Variants in LNP1 observed in about 807,000 individuals in gnomAD.
The protein encoded by LNP1 is leukemia NUP98 fusion partner 1.
A neutral mutation model predicts 14.5 loss-of-function variants in LNP1; 12 were observed. The ratio of observed to expected loss-of-function variants is 0.83; its 90% CI spans 0.53 to 1.34. The LOEUF is 1.34. Among genes scored for constraint, LNP1 ranks in the 40% most tolerant of loss-of-function variants. The pLI, the probability that LNP1 is intolerant of heterozygous loss-of-function variation, is 0.00. For synonymous variants in LNP1, 75 were observed against 71.4 expected (o/e 1.05, Z -0.26); for missense variants, 198 against 210.9 (o/e 0.94, Z 0.38).
chr3:100,406,262 G>A (rs943041381), intron 1 of LNP1, among the ~76,000 whole-genome samples: 1 of 152,052 alleles, frequency 6.6e-6, no homozygotes, highest in African/African-American at 2.4e-5. Context: ...CTCCAGCCTG[G>A]GTGACAGAGT....
At chr3:100,446,647 A>T (rs1707391141) in intron 2 of LNP1, among the ~76,000 whole-genome samples, 1 of 152,210 alleles carries the variant, frequency 6.6e-6, no homozygotes, top group Admixed American at 6.5e-5. Context: ...AGAAACTACC[A>T]TCAGAGTGAA....
intron 2 of LNP1, 43 bp downstream of exon 2, chr3:100,429,928 G>A: frequency 6.3e-7 from 1 of 1,575,154 alleles, no homozygotes; most frequent in Non-Finnish European, 8.6e-7. Context: ...CTGGAATAGG[G>A]GAGGGGGTTT....
chr3:100,409,341 T>C (rs1260957615), intron 1 of LNP1, among the ~76,000 whole-genome samples: 6 of 151,928 alleles, frequency 3.9e-5, no homozygotes, highest in Non-Finnish European at 7.4e-5. Context: ...TTAGCCTCCA[T>C]AATTTTGTAA....
chr3:100,440,643 A>T (rs1707335989), intron 2 of LNP1, among the ~76,000 whole-genome samples: 1 of 152,246 alleles, frequency 6.6e-6, no homozygotes, highest in African/African-American at 2.4e-5. Context: ...CCTTTCTTCT[A>T]TTCTTTATAC....
At chr3:100,432,872 T>C (rs1430492149) in intron 2 of LNP1, among the ~76,000 whole-genome samples, 3 of 152,136 alleles carry the variant, frequency 2.0e-5, no homozygotes, top group African/African-American at 4.8e-5. Context: ...GGGAAGACTG[T>C]GCTAAATGAA....
rs565769310 is a variant in LNP1 at position 100,418,059 on chromosome 3, A to ACTTTTTTTTTTTTTTTTTTTTTTTTTTTT, written c.-33-11638_-33-11637insCTTTTTTTTTTTTTTTTTTTTTTTTTTTT. Among the ~76,000 whole-genome samples the ACTTTTTTTTTTTTTTTTTTTTTTTTTTTT allele has an allele frequency of 1.7e-5, 2 of 115,622 alleles. 1 individual carries two copies. The highest frequency in any genetic ancestry group is 6.5e-5 in the African/African-American group (2 of 30,766). 75.9% of individuals were successfully genotyped at this position (115,622 alleles called of 152,430 possible). ...GTTTTGTTCTTTCATTTCTCATACC[A>ACTTTTTTTTTTTTTTTTTTTTTTTTTTTT]TTTTTTTTTTTTTTTTTTGAGATGG... On this transcript the variant is annotated intron_variant, in intron 1 of 3. Transcript: ENST00000383693.
chr3:100,426,405 C>A (rs934138306), intron 1 of LNP1, among the ~76,000 whole-genome samples: 1 of 152,188 alleles, frequency 6.6e-6, no homozygotes, highest in Non-Finnish European at 1.5e-5. Context: ...TAGCTAGCAA[C>A]TTTTCCTCTA....
At chr3:100,423,182 A>G (rs569695490) in intron 1 of LNP1, among the ~76,000 whole-genome samples, 1 of 152,226 alleles carries the variant, frequency 6.6e-6, no homozygotes, top group Non-Finnish European at 1.5e-5. Context: ...AGAAAAAAAG[A>G]TGTAGCAGTT....
intron 2 of LNP1, among the ~76,000 whole-genome samples, chr3:100,431,586 A>G (rs1368792797): frequency 3.3e-5 from 5 of 152,220 alleles, no homozygotes; most frequent in Non-Finnish European, 5.9e-5. Context: ...CAATGGGCAG[A>G]GTACTGGAAA....
chr3:100,420,550 C>T (rs1356824340), intron 1 of LNP1, among the ~76,000 whole-genome samples: 2 of 152,172 alleles, frequency 1.3e-5, no homozygotes, highest in African/African-American at 4.8e-5. Context: ...CTCCTGGGCT[C>T]AAGTGATCCT....
chr3:100,426,542 T>C (rs964046075), intron 1 of LNP1, among the ~76,000 whole-genome samples: 7 of 152,206 alleles, frequency 4.6e-5, no homozygotes, highest in South Asian at 2.1e-4. Context: ...CTCCAAAATA[T>C]GCACGTTAGG....
chr3:100,427,022 G>A (rs776150514), intron 1 of LNP1, among the ~76,000 whole-genome samples: 25 of 152,046 alleles, frequency 1.6e-4, no homozygotes, highest in East Asian at 5.8e-4. Flanking sequence ...TAAATTCAGC[G>A]TATATGATTC....
chr3:100,454,089 T>C (rs1373335679), intron 3 of LNP1, among the ~76,000 whole-genome samples: 1 of 152,180 alleles, frequency 6.6e-6, no homozygotes, highest in African/African-American at 2.4e-5. Context: ...ATATTATCTC[T>C]AAAATACAAA....
chr3:100,410,478 G>T (rs1045704316), intron 1 of LNP1, among the ~76,000 whole-genome samples: 9 of 152,286 alleles, frequency 5.9e-5, no homozygotes, highest in African/African-American at 1.9e-4. Flanking sequence ...GATGAAATTG[G>T]ATACATAGCA....
At chr3:100,444,885 C>T (rs980167700) in intron 2 of LNP1, among the ~76,000 whole-genome samples, 26 of 152,278 alleles carry the variant, frequency 1.7e-4, no homozygotes, top group African/African-American at 5.3e-4. Flanking sequence ...TTTATTAAGG[C>T]GTCAGCTAAT....
intron 1 of LNP1, among the ~76,000 whole-genome samples, chr3:100,421,868 A>T (rs1189424895): frequency 1.3e-5 from 2 of 152,316 alleles, no homozygotes; most frequent in Middle Eastern, 3.4e-3. Context: ...ATAGTCTGAA[A>T]ACTTCACATT....
At chr3:100,427,610 C>T (rs531487916) in intron 1 of LNP1, among the ~76,000 whole-genome samples, 1 of 152,304 alleles carries the variant, frequency 6.6e-6, no homozygotes, top group Non-Finnish European at 1.5e-5. Flanking sequence ...GCAAATCCCA[C>T]TTCTGATAGT....
At chr3:100,446,473 A>G (rs372279626) in intron 2 of LNP1, among the ~76,000 whole-genome samples, 3 of 152,260 alleles carry the variant, frequency 2.0e-5, no homozygotes, top group Non-Finnish European at 1.5e-5. Flanking sequence ...AGACTTAAAT[A>G]TTAGACCTAA....
chr3:100,444,672 A>C (rs897064616), intron 2 of LNP1, among the ~76,000 whole-genome samples: 16 of 152,240 alleles, frequency 1.1e-4, no homozygotes, highest in Non-Finnish European at 2.1e-4. Flanking sequence ...CATTTAACCA[A>C]AGTAATAACT....
Sources: allele counts gnomAD v4.1 joint callset (sites outside exome capture counted in the v4.1 genomes callset), GRCh38; gene constraint gnomAD v4.1.1; transcripts MANE v1.5; gene names NCBI Gene and HGNC (gene_info 2026-07-23, HGNC 2026-07-21).